CNTNAP5: variants seen among roughly 807,000 people sequenced by gnomAD.
CNTNAP5 encodes the protein contactin associated protein family member 5, also known as contactin-associated protein-like 5.
Under a neutral mutation model 150.2 loss-of-function variants are expected in CNTNAP5, and 72 were observed. The ratio of observed to expected loss-of-function variants is 0.48; its 90% CI spans 0.40 to 0.58. The LOEUF (loss-of-function observed/expected upper bound fraction) is 0.58. Among genes scored for constraint, CNTNAP5 ranks in the 20% least tolerant of loss-of-function variants. The pLI, the probability that CNTNAP5 is intolerant of heterozygous loss-of-function variation, is 0.00. For missense variants in CNTNAP5, 1,636 were observed against 1,626.2 expected (o/e 1.01, Z -0.10); for synonymous variants, 672 against 619.8 (o/e 1.08, Z -1.25).
chr2:124,788,769 A>G (rs1681654964), intron 17 of CNTNAP5, among the ~76,000 whole-genome samples: 1 of 151,956 alleles, frequency 6.6e-6, no homozygotes, highest in African/African-American at 2.4e-5. Context: ...AGTAGCTGGA[A>G]TTATAGATGC....
intron 3 of CNTNAP5, among the ~76,000 whole-genome samples, chr2:124,287,197 C>A (rs1297244873): frequency 6.6e-6 from 1 of 152,120 alleles, no homozygotes; most frequent in Admixed American, 6.6e-5. Flanking sequence ...ATTTTAGAAT[C>A]CTTGCAACAT....
intron 13 of CNTNAP5, among the ~76,000 whole-genome samples, chr2:124,705,084 CAT>C (rs1169407090): frequency 2.6e-5 from 4 of 151,990 alleles, no homozygotes; most frequent in Non-Finnish European, 4.4e-5. Flanking sequence ...TATTATGCAA[CAT>C]ATATATAGTT....
chr2:124,103,876 A>G (rs1273563676), intron 1 of CNTNAP5, among the ~76,000 whole-genome samples: 1 of 147,814 alleles, frequency 6.8e-6, no homozygotes, highest in Non-Finnish European at 1.5e-5. Context: ...TTTATATAAT[A>G]TAAATATAAT....
chr2:124,171,523 G>A lies in CNTNAP5; in HGVS notation c.83-50182G>A, dbSNP rs933698248. Among the ~76,000 whole-genome samples the A allele has an allele frequency of 2.6e-5, 4 of 152,258 alleles. No individual in the cohort carries two copies. In the East Asian group the frequency reaches 7.7e-4, roughly 29 times the overall value. ...GGCTATGTGAGCAGCCATCACCAGAGTCCTTGGGGTCATCCTGCGAGCTGA... is the reference window on the plus strand; with the variant it reads ...GGCTATGTGAGCAGCCATCACCAGAATCCTTGGGGTCATCCTGCGAGCTGA... On this transcript the variant is annotated intron_variant, in intron 1 of 23. Transcript: ENST00000682447.
chr2:124,713,912 G>T (rs1042184832), intron 13 of CNTNAP5, among the ~76,000 whole-genome samples: 78 of 152,186 alleles, frequency 5.1e-4, no homozygotes, highest in South Asian at 6.2e-4. Flanking sequence ...ATCTTTCCTT[G>T]TTCTCTGTAC....
At chr2:124,463,287 A>G (rs888807720) in intron 6 of CNTNAP5, among the ~76,000 whole-genome samples, 5 of 152,192 alleles carry the variant, frequency 3.3e-5, no homozygotes, top group African/African-American at 1.2e-4. Flanking sequence ...AAATTATAAA[A>G]TATATGTTAG....
At chr2:124,602,338 C>CAAAAAAAAAAA (rs35316532) in intron 11 of CNTNAP5, among the ~76,000 whole-genome samples, 2 of 89,796 alleles carry the variant, frequency 2.2e-5, no homozygotes, top group East Asian at 4.1e-4. Flanking sequence ...AAGACTTCAC[C>CAAAAAAAAAAA]AAAAAAAAAA....
chr2:124,772,988 G>A lies in CNTNAP5; in HGVS notation c.2723G>A (p.Arg908Gln), dbSNP rs1005243074. 20 of 1,613,098 alleles carry A rather than the reference G, an allele frequency of 1.2e-5. No individual in the cohort carries two copies. The highest frequency in any genetic ancestry group is 1.4e-5 in the Non-Finnish European group (17 of 1,179,692). ...GAGACGTCGGAGGAGGGCCATTTTC[G>A]ACTGCAGCTGAACAGCCAGTTGTTT... ...TRETSEEGHF[R>Q]LQLNSQLFVG... Residue 908 changes from arginine to glutamine, a missense_variant, in exon 17 of 24, where the codon CGA becomes CAA. Arg to Gln is a conservative substitution (Grantham distance 43). Transcript: ENST00000682447.
At chr2:124,529,824 C>T (rs1006766860) in intron 10 of CNTNAP5, among the ~76,000 whole-genome samples, 5 of 152,042 alleles carry the variant, frequency 3.3e-5, no homozygotes, top group African/African-American at 9.7e-5. Context: ...CTTGCCAGTC[C>T]GTTGTTGCAG....
At chr2:124,856,075 GGTGT>G (rs56676705) in intron 19 of CNTNAP5, among the ~76,000 whole-genome samples, 13,809 of 144,214 alleles carry the variant, frequency 0.096, 1,080 homozygotes, top group African/African-American at 0.22. Context: ...AATAGTCCAT[GGTGT>G]GTGTGTGTGT....
At chr2:124,137,720 T>A (rs112498052) in intron 1 of CNTNAP5, among the ~76,000 whole-genome samples, 1,874 of 152,276 alleles carry the variant, frequency 0.012, 8 homozygotes, top group Non-Finnish European at 0.019. Flanking sequence ...GTGTCAGGAA[T>A]CTGGAGAGAA....
intron 3 of CNTNAP5, among the ~76,000 whole-genome samples, chr2:124,372,058 C>A (rs1037598753): frequency 6.6e-6 from 1 of 151,950 alleles, no homozygotes; most frequent in South Asian, 2.1e-4. Flanking sequence ...GGATGGGCAT[C>A]GTCCAATTGG....
chr2:124,390,485 G>A (rs143146163), intron 3 of CNTNAP5, among the ~76,000 whole-genome samples: 2 of 152,298 alleles, frequency 1.3e-5, no homozygotes, highest in African/African-American at 2.4e-5. Context: ...ATATTATTAT[G>A]AGAAATAACA....
chr2:124,195,352 G>C (rs961325319), intron 1 of CNTNAP5, among the ~76,000 whole-genome samples: 3 of 152,142 alleles, frequency 2.0e-5, no homozygotes, highest in Non-Finnish European at 2.9e-5. Context: ...GAGGTGTTGA[G>C]AAATGCAGTG....
At chr2:124,824,438 ACAGTT>A (rs1377640332) in intron 19 of CNTNAP5, among the ~76,000 whole-genome samples, 2 of 152,158 alleles carry the variant, frequency 1.3e-5, no homozygotes, top group Non-Finnish European at 2.9e-5. Context: ...CTGTGATGAA[ACAGTT>A]CACTATGATG....
chr2:124,920,899 C>G lies in CNTNAP5; in HGVS notation c.*6611C>G, dbSNP rs1376164005. Reference sequence around the variant, plus strand: ...AATAAATTGCAGAATACCCTCCCCACAAAAATACACATATGTCAGACTCTT... The same window carrying G: ...AATAAATTGCAGAATACCCTCCCCAGAAAAATACACATATGTCAGACTCTT... On this transcript the variant is annotated 3_prime_UTR_variant, in exon 24 of 24. Coordinates refer to ENST00000682447, the MANE Select transcript of CNTNAP5 (RefSeq NM_001367498.1). Among the ~76,000 whole-genome samples the G allele has an allele frequency of 6.6e-6, 1 of 151,998 alleles. No individual in the cohort carries two copies. Among genetic ancestry groups the G allele is most frequent in the African/African-American group, 2.4e-5 (1 of 41,406 alleles).
At chr2:124,803,490 T>C (rs1013528391) in intron 19 of CNTNAP5, among the ~76,000 whole-genome samples, 3 of 152,226 alleles carry the variant, frequency 2.0e-5, no homozygotes, top group Admixed American at 1.3e-4. Flanking sequence ...GCACTAACTC[T>C]AGGGCTATCC....
intron 20 of CNTNAP5, among the ~76,000 whole-genome samples, chr2:124,866,759 C>T (rs1299795393): frequency 6.6e-6 from 1 of 152,070 alleles, no homozygotes; most frequent in Non-Finnish European, 1.5e-5. Context: ...AATCATGACC[C>T]TCAGCAAGCC....
intron 6 of CNTNAP5, among the ~76,000 whole-genome samples, chr2:124,465,472 C>T (rs1439165035): frequency 2.0e-5 from 3 of 151,994 alleles, no homozygotes; most frequent in Non-Finnish European, 4.4e-5. Context: ...AGAAAGAGAC[C>T]GAATTGCCAA....
Sources: gnomAD v4.1 joint callset for allele counts (sites outside exome capture counted in the v4.1 genomes callset) on GRCh38, gnomAD v4.1.1 for gene constraint, MANE v1.5 for transcripts, NCBI Gene and HGNC (gene_info 2026-07-23, HGNC 2026-07-21) for gene names.